The following CLSTN2 variants were observed in gnomAD, a reference collection of about 807,000 sequenced individuals.
CLSTN2 encodes calsyntenin 2.
CLSTN2 carries 48 observed loss-of-function variants against 101.2 expected under a neutral mutation model. The ratio of observed to expected loss-of-function variants is 0.47; its 90% CI spans 0.38 to 0.60. The LOEUF is 0.60. Among genes scored for constraint, CLSTN2 ranks in the 20% least tolerant of loss-of-function variants. The probability of loss-of-function intolerance (pLI) is 0.00; values close to 1 mark genes in which losing one functional copy is unlikely to be tolerated. For missense variants in CLSTN2, 1,160 were observed against 1,238.2 expected, an observed-to-expected ratio of 0.94 and a Z score of 0.95; for synonymous variants, 481 against 463.6, an observed-to-expected ratio of 1.04 and a Z score of -0.48.
At chr3:140,305,774 A>T (rs2087108718) in intron 2 of CLSTN2, among the ~76,000 whole-genome samples, 1 of 152,216 alleles carries the variant, frequency 6.6e-6, no homozygotes, top group East Asian at 1.9e-4. Flanking sequence ...AAATAAAAAA[A>T]GTGAGGCACG....
chr3:140,157,002 A>G (rs1055775436), intron 1 of CLSTN2, among the ~76,000 whole-genome samples: 4 of 152,208 alleles, frequency 2.6e-5, no homozygotes, highest in African/African-American at 9.6e-5. Flanking sequence ...CCTGTCAGAT[A>G]TGAGCCAGGA....
At chr3:140,347,506 A>C (rs2107940360) in intron 2 of CLSTN2, among the ~76,000 whole-genome samples, 1 of 152,370 alleles carries the variant, frequency 6.6e-6, no homozygotes, top group South Asian at 2.1e-4. Context: ...AAATTCAATA[A>C]AACACAAACT....
chr3:140,347,103 C>A (rs1237210740), intron 2 of CLSTN2, among the ~76,000 whole-genome samples: 1 of 152,194 alleles, frequency 6.6e-6, no homozygotes, highest in Non-Finnish European at 1.5e-5. Context: ...TCTGTTTTCT[C>A]CTGAGAGTCA....
At chr3:140,205,514 G>A (rs867477116) in intron 2 of CLSTN2, among the ~76,000 whole-genome samples, 1 of 152,252 alleles carries the variant, frequency 6.6e-6, no homozygotes, top group Middle Eastern at 3.4e-3. Context: ...TGGGAATATG[G>A]GAGGGAGATT....
intron 8 of CLSTN2, among the ~76,000 whole-genome samples, chr3:140,489,594 G>A (rs1019662823): frequency 4.6e-5 from 7 of 152,080 alleles, no homozygotes; most frequent in Admixed American, 2.0e-4. Context: ...GAGCAGCAGG[G>A]AGAGGACCTG....
In CLSTN2 at chr3:140,356,593, A is replaced by G. The variant is rs1477268083; in HGVS notation, c.233-47036A>G. On this transcript the variant is annotated intron_variant, in intron 2 of 16. Transcript: ENST00000458420. ...ACCAACATGGTGAAGCCCTGTCTCT[A>G]CTAAAAATACAAAAATTAGCCGAGT... Among the ~76,000 whole-genome samples the G allele has an allele frequency of 2.0e-5, 3 of 152,040 alleles. No homozygotes were observed. The East Asian group carries it at 5.8e-4, about 29-fold the overall frequency.
intron 1 of CLSTN2, among the ~76,000 whole-genome samples, chr3:140,070,045 C>T (rs1391360378): frequency 6.6e-6 from 1 of 152,214 alleles, no homozygotes; most frequent in Non-Finnish European, 1.5e-5. Flanking sequence ...ATAAACCTGA[C>T]CATCACACCT....
intron 6 of CLSTN2, chr3:140,454,351 G>A (rs1461558885): frequency 6.6e-6 from 1 of 152,212 alleles, no homozygotes; most frequent in Non-Finnish European, 1.5e-5. Flanking sequence ...GCAAAACCTA[G>A]TTTCCTTCAC....
chr3:140,476,017 G>A (rs561830424), intron 8 of CLSTN2, among the ~76,000 whole-genome samples: 5 of 152,308 alleles, frequency 3.3e-5, no homozygotes, highest in Non-Finnish European at 7.4e-5. Flanking sequence ...GAAGCAGCAG[G>A]AGCTCAGTCA....
intron 4 of CLSTN2, among the ~76,000 whole-genome samples, chr3:140,419,728 T>TGA (rs1288823817): frequency 1.5e-5 from 1 of 65,500 alleles, no homozygotes; most frequent in Non-Finnish European, 2.5e-5. Flanking sequence ...TATACGTATA[T>TGA]ACATGTATAT....
intron 2 of CLSTN2, among the ~76,000 whole-genome samples, chr3:140,229,667 C>T (rs1378819168): frequency 6.6e-6 from 1 of 152,010 alleles, no homozygotes; most frequent in Non-Finnish European, 1.5e-5. Flanking sequence ...GGGAAAGCTG[C>T]TCTGCTCACT....
intron 9 of CLSTN2, among the ~76,000 whole-genome samples, chr3:140,534,009 G>A (rs934045775): frequency 5.3e-5 from 8 of 152,124 alleles, no homozygotes; most frequent in Non-Finnish European, 1.2e-4. Context: ...AGTAGAGCTT[G>A]GCAATGAGAG....
intron 2 of CLSTN2, among the ~76,000 whole-genome samples, chr3:140,200,539 T>C (rs745340991): frequency 4.6e-5 from 7 of 152,156 alleles, no homozygotes; most frequent in Non-Finnish European, 1.0e-4. Flanking sequence ...ACAGGATAGT[T>C]GTGAAAAAAA....
chr3:140,512,030 G>T (rs1297668100), intron 8 of CLSTN2, among the ~76,000 whole-genome samples: 3 of 151,878 alleles, frequency 2.0e-5, no homozygotes, highest in Non-Finnish European at 4.4e-5. Context: ...GTAGGCTCTG[G>T]ATATTACACC....
At chr3:139,965,601 A>C (rs921450715) in intron 1 of CLSTN2, among the ~76,000 whole-genome samples, 2 of 152,056 alleles carry the variant, frequency 1.3e-5, no homozygotes, top group Non-Finnish European at 2.9e-5. Flanking sequence ...CAAAAGACCC[A>C]CTTGCATTTT....
intron 2 of CLSTN2, among the ~76,000 whole-genome samples, chr3:140,295,807 T>C (rs1242053607): frequency 6.6e-6 from 1 of 152,176 alleles, no homozygotes; most frequent in African/African-American, 2.4e-5. Flanking sequence ...AATCTTCAAA[T>C]GTATCAGTAA....
chr3:140,168,864 A>G (rs1297174347), intron 1 of CLSTN2, among the ~76,000 whole-genome samples: 1 of 152,068 alleles, frequency 6.6e-6, no homozygotes, highest in Non-Finnish European at 1.5e-5. Flanking sequence ...ATCTATCTTT[A>G]TATTAATACC....
At chr3:140,451,654 G>A (rs1404482828) in intron 6 of CLSTN2, among the ~76,000 whole-genome samples, 1 of 152,176 alleles carries the variant, frequency 6.6e-6, no homozygotes, top group Non-Finnish European at 1.5e-5. Flanking sequence ...CTTCCATGTA[G>A]GGACTCAGGT....
At chr3:140,364,432 CA>C (rs1374020094) in intron 2 of CLSTN2, among the ~76,000 whole-genome samples, 5 of 152,286 alleles carry the variant, frequency 3.3e-5, no homozygotes, top group Admixed American at 3.3e-4. Context: ...TTCCTCTTTG[CA>C]CACCATTTGG....
Sources: allele counts gnomAD v4.1 joint callset (sites outside exome capture counted in the v4.1 genomes callset), GRCh38; gene constraint gnomAD v4.1.1; transcripts MANE v1.5; gene names NCBI Gene and HGNC (gene_info 2026-07-23, HGNC 2026-07-21).